The following LRRK2 variants were observed in gnomAD, a reference collection of about 807,000 sequenced individuals.
The protein encoded by LRRK2 is leucine-rich repeat serine/threonine-protein kinase 2.
LRRK2 carries 203 observed loss-of-function variants against 302.6 expected under a neutral mutation model. The observed-to-expected ratio is 0.67, with a 90% CI of 0.60 to 0.75. The LOEUF (loss-of-function observed/expected upper bound fraction) is 0.75, where lower values mean the gene tolerates loss of function less well. Ranked by LOEUF, LRRK2 falls within the 30% of genes least tolerant of loss-of-function variation. The pLI, the probability that LRRK2 is intolerant of heterozygous loss-of-function variation, is 0.00. For synonymous variants in LRRK2, 1,066 were observed against 1,031.9 expected (o/e 1.03, Z -0.63); for missense variants, 2,830 against 2,951.0 (o/e 0.96, Z 0.95).
At chr12:40,335,230 C>T (rs1945832984) in intron 40 of LRRK2, 73 bp downstream of exon 40, 1 of 1,482,196 alleles carries the variant, frequency 6.7e-7, no homozygotes, top group Middle Eastern at 1.7e-4. Context: ...GTTCTGAGAA[C>T]ACTTCCCAGT....
intron 39 of LRRK2, among the ~76,000 whole-genome samples, chr12:40,332,421 G>A (rs1300973254): frequency 6.6e-6 from 1 of 152,048 alleles, no homozygotes; most frequent in Non-Finnish European, 1.5e-5. Flanking sequence ...ATAGAAACAG[G>A]GTGAGAGAGG....
In LRRK2 at chr12:40,320,849, C is replaced by T. The variant is rs1215717825; in HGVS notation, c.5016-185C>T. Among the ~76,000 whole-genome samples the T allele has an allele frequency of 2.0e-5, 3 of 151,972 alleles. No individual in the cohort carries two copies. The East Asian group carries it at 5.8e-4, about 29-fold the overall frequency. The stretch of plus-strand genomic sequence containing the variant: ...TTTCATGCATCTACATCTGAGCATG[C>T]ATTTGAATTGGTTATTGACCACTGA... On this transcript the variant is annotated intron_variant, in intron 34 of 50. Transcript: ENST00000298910.
rs889450850 is a variant in LRRK2, at chr12:40,259,469, T to C, written c.1419-11T>C. 1.2e-6 allele frequency: 2 copies of C among 1,612,864 alleles called. No individual in the cohort carries two copies. Among genetic ancestry groups the C allele is most frequent in the African/African-American group, 1.3e-5 (1 of 74,868 alleles). On this transcript the variant is annotated splice_polypyrimidine_tract_variant and intron_variant, in intron 12 of 50. Transcript: ENST00000298910. ...AGTCTTTCAATAAGCATGCCAATTT[T>C]ATATCCCCAGCAACACTTCCCTGGA... is the stretch of plus-strand genomic sequence containing the variant.
chr12:40,251,282 G>A lies in LRRK2; in HGVS notation c.1009G>A (p.Glu337Lys), dbSNP rs899546186. ...TTTAGAGGAAAAGAATGAGAATCAAGAGAATGATGATGAGGGGGAAGAAGA... is the reference window on the plus strand; with the variant it reads ...TTTAGAGGAAAAGAATGAGAATCAAAAGAATGATGATGAGGGGGAAGAAGA... ...QDLEEKNENQ[E>K]NDDEGEEDKL... Residue 337 changes from glutamate (E) to lysine (K), a missense_variant, in exon 9 of 51, where the codon GAG becomes AAG. Glu to Lys is a moderately conservative substitution (Grantham distance 56). This residue lies in a region of LRRK2 where 2,121 missense variants were observed against 2,148.0 expected (regional missense o/e 0.99). Transcript: ENST00000298910. 7 of 1,611,458 alleles carry A rather than the reference G, an allele frequency of 4.3e-6. No individual in the cohort carries two copies. The African/African-American group carries it at 8.0e-5, about 18-fold the overall frequency.
At chr12:40,353,095 C>A (rs1946412412) in intron 44 of LRRK2, among the ~76,000 whole-genome samples, 3 of 150,762 alleles carry the variant, frequency 2.0e-5, no homozygotes, top group South Asian at 2.1e-4. Context: ...GGCTGCCCCC[C>A]ACCTCCCGGA....
At chr12:40,366,961 A>G in intron 49 of LRRK2, 45 bp from the exon 50 acceptor site, 1 of 1,445,836 alleles carries the variant, frequency 6.9e-7, no homozygotes, top group Non-Finnish European at 9.7e-7. Context: ...GGCCAGTTTA[A>G]TATATAGTTT....
chr12:40,228,707 T>C (rs1257951459), intron 2 of LRRK2, among the ~76,000 whole-genome samples: 1 of 152,188 alleles, frequency 6.6e-6, no homozygotes, highest in African/African-American at 2.4e-5. Flanking sequence ...CCCAGTGTTT[T>C]CTTCTAGTAG....
At position 40,363,426 on chromosome 12, in the gene LRRK2, T is replaced by C. The variant is rs537617368; in HGVS notation, c.7053T>C (p.Asp2351=). 1 of 1,611,908 alleles carries C rather than the reference T, an allele frequency of 6.2e-7. No individual in the cohort carries two copies. Among genetic ancestry groups the C allele is most frequent in the African/African-American group, 1.3e-5 (1 of 74,880 alleles). Residue 2351 remains aspartate (D), a synonymous_variant, in exon 48 of 51, where the codon GAT becomes GAC. Coordinates refer to ENST00000298910, the MANE Select transcript of LRRK2 (RefSeq NM_198578.4). ...GGTTTTCTTATGCAGCTTTCAGTGA[T>C]TCCAACATCATAACAGTGGTGGTAG... is the stretch of plus-strand genomic sequence containing the variant. ...SQLFSYAAFS[D]SNIITVVVDT...
chr12:40,240,767 C>T (rs764081448), intron 6 of LRRK2, 150 bp downstream of exon 6: 4 of 872,990 alleles, frequency 4.6e-6, no homozygotes, highest in African/African-American at 1.7e-5. Context: ...AATTTACATT[C>T]ACTGACATTA....
intron 4 of LRRK2, 83 bp from the exon 5 acceptor site, chr12:40,237,886 G>A: frequency 1.4e-6 from 2 of 1,441,668 alleles, no homozygotes; most frequent in Non-Finnish European, 1.9e-6. Context: ...CAGTCTTCAT[G>A]TAAAAATTAA....
At chr12:40,323,073 T>C (rs1213697565) in intron 37 of LRRK2, 87 bp from the exon 38 acceptor site, 2 of 1,084,148 alleles carry the variant, frequency 1.8e-6, no homozygotes, top group Non-Finnish European at 2.8e-6. Flanking sequence ...ATAGAAAATA[T>C]TCCATTATTT....
Position 40,365,022 on chromosome 12 carries a change from G to A in LRRK2, c.7362G>A (p.Ser2454=), listed in dbSNP as rs199832934. 2.9e-5 allele frequency: 47 copies of A among 1,612,108 alleles called. No homozygotes were observed. Among genetic ancestry groups the A allele is most frequent in the East Asian group, 1.3e-4 (6 of 44,824 alleles). ...LIRVIYNFCN[S]VRVMMTAQLG... ...GTGTAATTTACAACTTTTGTAATTC[G>A]GTCAGAGTCATGATGACAGCACAGC... The change falls in exon 49 of 51, where the codon TCG becomes TCA. Residue 2454 remains serine (S), a synonymous_variant. Transcript: ENST00000298910.
intron 22 of LRRK2, among the ~76,000 whole-genome samples, 165 bp from the exon 23 acceptor site, chr12:40,295,262 C>T (rs1262267123): frequency 6.6e-6 from 1 of 151,376 alleles, no homozygotes; most frequent in Non-Finnish European, 1.5e-5. Flanking sequence ...TTTTTATTTA[C>T]TGTTCATCTC....
chr12:40,295,016 C>G (rs1374534338), intron 22 of LRRK2, 102 bp downstream of exon 22: 1 of 731,170 alleles, frequency 1.4e-6, no homozygotes, highest in African/African-American at 1.8e-5. Flanking sequence ...GTGCCAGTTT[C>G]ATCTTACATA....
Position 40,225,174 on chromosome 12 carries a change from A to T in LRRK2, c.43A>T (p.Thr15Ser), listed in dbSNP as rs767521458. ...SCQGCEEDEE[T>S]LKKLIVRLNN... is the part of the protein sequence containing the mutation. The stretch of plus-strand genomic sequence containing the variant: ...TCAGGGGTGCGAAGAGGACGAGGAA[A>T]CTCTGAAGAAGTTGATAGTCAGGCT... The change falls in exon 1 of 51, where the codon ACT becomes TCT. Residue 15 changes from threonine to serine, a missense_variant. Thr to Ser is a moderately conservative substitution (Grantham distance 58). Around this residue, in one of 3 missense-constraint regions of LRRK2, gnomAD observed 2,121 missense variants for 2,148.0 expected, o/e 0.99. Transcript: ENST00000298910. The T allele has an allele frequency of 1.2e-6, 2 of 1,614,018 alleles. No homozygotes were observed. The highest frequency in any genetic ancestry group is 2.7e-5 in the African/African-American group (2 of 74,900).
chr12:40,246,690 G>A (rs1942001223), intron 7 of LRRK2, among the ~76,000 whole-genome samples: 1 of 152,114 alleles, frequency 6.6e-6, no homozygotes, highest in Non-Finnish European at 1.5e-5. Context: ...CCAGGAGTCA[G>A]AGCACAGGAC....
chr12:40,301,775 AC>A (rs1359072376), intron 25 of LRRK2, among the ~76,000 whole-genome samples: 1 of 152,136 alleles, frequency 6.6e-6, no homozygotes, highest in Admixed American at 6.5e-5. Context: ...TGATCTAGCT[AC>A]ACTCTTTTAC....
At chr12:40,291,483 C>T (rs76033741) in intron 20 of LRRK2, among the ~76,000 whole-genome samples, 11,177 of 150,734 alleles carry the variant, frequency 0.074, 575 homozygotes, top group Non-Finnish European at 0.11. Flanking sequence ...CTTTGATTCA[C>T]GAGTTATTTA....
chr12:40,299,319 A>T (rs1944531621), intron 25 of LRRK2, 62 bp downstream of exon 25: 12 of 1,543,558 alleles, frequency 7.8e-6, no homozygotes, highest in Non-Finnish European at 9.8e-6. Context: ...GATGAGTCAT[A>T]TATGGACCCT....
Sources: gnomAD v4.1 joint callset for allele counts (sites outside exome capture counted in the v4.1 genomes callset) on GRCh38, gnomAD v4.1.1 for gene constraint, gnomAD v4.1.1 regional missense constraint, MANE v1.5 for transcripts, NCBI Gene and HGNC (gene_info 2026-07-23, HGNC 2026-07-21) for gene names.